The following IMPA1 variants were observed in gnomAD, a reference collection of about 807,000 sequenced individuals.
The protein encoded by IMPA1 is D-galactose 1-phosphate phosphatase.
A neutral mutation model predicts 34.9 loss-of-function variants in IMPA1; 21 were observed. The observed-to-expected ratio is 0.60, with a 90% CI of 0.43 to 0.87. IMPA1 has a LOEUF of 0.87. Among genes scored for constraint, IMPA1 ranks in the 40% least tolerant of loss-of-function variants. The pLI is 0.00. For missense variants in IMPA1, 299 were observed against 336.4 expected (o/e 0.89, Z 0.87); for synonymous variants, 95 against 104.4 (o/e 0.91, Z 0.55).
chr8:81,672,406 C>T (rs1431950097), intron 6 of IMPA1, among the ~76,000 whole-genome samples: 3 of 152,200 alleles, frequency 2.0e-5, no homozygotes, highest in Admixed American at 6.5e-5. Context: ...TAAATAATTG[C>T]CACTTGAAGC....
At chr8:81,686,129 T>C in intron 1 of IMPA1, 123 bp downstream of exon 1, 1 of 816,256 alleles carries the variant, frequency 1.2e-6, no homozygotes. Context: ...AGAGGCTGCC[T>C]CCACCCTAGG....
At chr8:81,674,821 C>A in intron 5 of IMPA1, 1 of 455,502 alleles carries the variant, frequency 2.2e-6, no homozygotes, top group Non-Finnish European at 4.4e-6. Flanking sequence ...GAAGAACCTA[C>A]GGTTCCAAAC....
intron 1 of IMPA1, among the ~76,000 whole-genome samples, chr8:81,681,895 A>C (rs1389226116): frequency 6.6e-6 from 1 of 152,200 alleles, no homozygotes; most frequent in Non-Finnish European, 1.5e-5. Flanking sequence ...AATACTTTAA[A>C]AGTTAGGATA....
intron 1 of IMPA1, among the ~76,000 whole-genome samples, chr8:81,684,712 A>C (rs901225961): frequency 1.4e-5 from 2 of 143,690 alleles, no homozygotes; most frequent in Admixed American, 1.4e-4. Context: ...ACACATAAGT[A>C]TATTTAGATA....
intron 6 of IMPA1, 47 bp from the exon 7 acceptor site, chr8:81,671,094 C>T: frequency 1.2e-6 from 1 of 860,310 alleles, no homozygotes; most frequent in South Asian, 2.2e-5. Context: ...CTAGAAAATA[C>T]CTGACACTTG....
intron 5 of IMPA1, chr8:81,674,504 C>CT: frequency 8.0e-6 from 2 of 250,426 alleles, no homozygotes; most frequent in South Asian, 4.3e-5. Context: ...TATCAACAAA[C>CT]TTTCTTTGTT....
At chr8:81,674,705 C>T (rs1408734343) in intron 5 of IMPA1, 6 of 396,116 alleles carry the variant, frequency 1.5e-5, no homozygotes, top group Admixed American at 9.7e-5. Context: ...CTTTTTTCTT[C>T]CTTCTCCCAT....
At chr8:81,663,187 C>T (rs1026827951) in intron 7 of IMPA1, among the ~76,000 whole-genome samples, 1 of 152,002 alleles carries the variant, frequency 6.6e-6, no homozygotes, top group Non-Finnish European at 1.5e-5. Flanking sequence ...AGTTGTAAAC[C>T]TCTTGCAACT....
At chr8:81,678,313 AAG>A in intron 4 of IMPA1, among the ~76,000 whole-genome samples, 1 of 152,206 alleles carries the variant, frequency 6.6e-6, no homozygotes, top group East Asian at 1.9e-4. Flanking sequence ...AGCACTCCCC[AAG>A]AGTGACTTCA....
At position 81,666,451 on chromosome 8, in the gene IMPA1, G is replaced by T. The variant is rs571376848; in HGVS notation, c.566+4488C>A. Among the ~76,000 whole-genome samples the T allele has an allele frequency of 2.4e-4, 37 of 152,262 alleles. No homozygotes were observed. In the South Asian group the frequency reaches 7.7e-3, roughly 32 times the overall value. ...CCTAACCTATCTGTTAAAAGAAAAA[G>T]ATTTTCAAATTGACTTATAAAGTGA... On this transcript the variant is annotated intron_variant, in intron 7 of 8. Transcript: ENST00000256108.
chr8:81,656,968 TTATG>T lies in IMPA1; in HGVS notation c.*2379_*2382del, dbSNP rs1374634559. 6.6e-6 allele frequency among the ~76,000 whole-genome samples: 1 copy of T among 152,226 alleles called. No homozygotes were observed. Among genetic ancestry groups the T allele is most frequent in the African/African-American group, 2.4e-5 (1 of 41,462 alleles). ...TTCAAGTACATATATTTATGTATAT[TTATG>T]TATGTATCTGTGTATGTATCCACAT... is the stretch of plus-strand genomic sequence containing the variant. On this transcript the variant is annotated 3_prime_UTR_variant, in exon 9 of 9. Transcript: ENST00000256108.
At position 81,659,191 on chromosome 8, in the gene IMPA1, T is replaced by C; in HGVS notation, c.*160A>G. 1.6e-6 allele frequency: 1 copy of C among 616,790 alleles called. No individual in the cohort carries two copies. The highest frequency in any genetic ancestry group is 2.9e-6 in the Non-Finnish European group (1 of 349,432). The allele number at this position is 616,790 out of a possible 1,614,324, so 38.2% of individuals were successfully genotyped here. ...AGTGAAACAAACATTATGTCAATTCTTGCAAACCTAGACATAGTAAAATAA... is the reference window on the plus strand; with the variant it reads ...AGTGAAACAAACATTATGTCAATTCCTGCAAACCTAGACATAGTAAAATAA... On this transcript the variant is annotated 3_prime_UTR_variant, in exon 9 of 9. Coordinates refer to ENST00000256108, the MANE Select transcript of IMPA1 (RefSeq NM_005536.4).
chr8:81,661,584 A>G (rs1459093914), intron 7 of IMPA1, among the ~76,000 whole-genome samples: 1 of 152,272 alleles, frequency 6.6e-6, no homozygotes, highest in Non-Finnish European at 1.5e-5. Flanking sequence ...AAAAATGTCA[A>G]GGTGATAAAA....
chr8:81,666,066 TGAA>T (rs1806810897), intron 7 of IMPA1, among the ~76,000 whole-genome samples: 1 of 152,164 alleles, frequency 6.6e-6, no homozygotes, highest in African/African-American at 2.4e-5. Context: ...GGTCATGGGT[TGAA>T]GAATATGTAA....
intron 7 of IMPA1, among the ~76,000 whole-genome samples, chr8:81,665,616 C>T (rs7825211): frequency 0.026 from 3,999 of 152,052 alleles, 164 homozygotes; most frequent in African/African-American, 0.089. Flanking sequence ...AAGACATGAA[C>T]CTATATACTG....
intron 7 of IMPA1, among the ~76,000 whole-genome samples, chr8:81,670,433 G>C (rs1216251461): frequency 2.0e-5 from 3 of 151,908 alleles, no homozygotes; most frequent in Admixed American, 6.6e-5. Context: ...GAAAAAACCA[G>C]CTTAAATTAA....
In IMPA1 at chr8:81,676,345, C is replaced by T. The variant is rs1051983213; in HGVS notation, c.303-66G>A. On this transcript the variant is annotated intron_variant, in intron 4 of 8. Transcript: ENST00000256108. ...TAGAACTTTTGTTAATAAAATTAAT[C>T]TTTTCATAATATAAGTGTTCTTAAA... 3 of 782,812 alleles carry T rather than the reference C, an allele frequency of 3.8e-6. No individual in the cohort carries two copies. In the South Asian group the frequency reaches 6.4e-5, roughly 17 times the overall value. The allele number at this position is 782,812 out of a possible 1,614,324, so 48.5% of individuals were successfully genotyped here. A position where few individuals can be genotyped will look rare whatever the true frequency, so the allele number is the denominator to read the frequency against.
At position 81,673,887 on chromosome 8, in the gene IMPA1, T is replaced by C. The variant is rs1306171243; in HGVS notation, c.411A>G (p.Lys137=). The change falls in exon 6 of 9, where the codon AAA becomes AAG. Residue 137 remains lysine, a synonymous_variant. Coordinates refer to ENST00000256108, the MANE Select transcript of IMPA1 (RefSeq NM_005536.4). ...EGKMYTARKG[K]GAFCNGQKLQ... ...GTTTTTGACCATTACAAAAGGCACC[T>C]TTTCCTTTTCTGGCAGTGTACATCT... 6.2e-7 allele frequency: 1 copy of C among 1,611,914 alleles called. No homozygotes were observed. The highest frequency in any genetic ancestry group is 8.5e-7 in the Non-Finnish European group (1 of 1,178,262).
At position 81,657,558 on chromosome 8, in the gene IMPA1, G is replaced by A. The variant is rs1354189936; in HGVS notation, c.*1793C>T. 6.6e-6 allele frequency among the ~76,000 whole-genome samples: 1 copy of A among 152,072 alleles called. No homozygotes were observed. Among genetic ancestry groups the A allele is most frequent in the Non-Finnish European group, 1.5e-5 (1 of 68,024 alleles). Reference sequence around the variant, plus strand: ...ATCATGCCACTGCATTACTGTTTGAGCAGAAGAGCAAGACACTGTCTTCAA... The same window carrying A: ...ATCATGCCACTGCATTACTGTTTGAACAGAAGAGCAAGACACTGTCTTCAA... On this transcript the variant is annotated 3_prime_UTR_variant, in exon 9 of 9. Transcript: ENST00000256108.
Sources: gnomAD v4.1 joint callset for allele counts (sites outside exome capture counted in the v4.1 genomes callset) on GRCh38, gnomAD v4.1.1 for gene constraint, MANE v1.5 for transcripts, NCBI Gene and HGNC (gene_info 2026-07-23, HGNC 2026-07-21) for gene names.